The following UTS2B variants were observed in gnomAD, a reference collection of about 807,000 sequenced individuals.
The protein encoded by UTS2B is urotensin-2B.
In UTS2B, 21 loss-of-function variants were observed where a neutral mutation model predicts 19.2. That is an observed-to-expected ratio of 1.09 (90% confidence interval 0.78 to 1.58). The LOEUF (loss-of-function observed/expected upper bound fraction) is 1.58. Ranked by LOEUF, UTS2B falls within the 40% of genes most tolerant of loss-of-function variation. The probability of loss-of-function intolerance (pLI) is 0.00; values close to 1 mark genes in which losing one functional copy is unlikely to be tolerated. For missense variants in UTS2B, 138 were observed against 130.3 expected (o/e 1.06, Z -0.29); for synonymous variants, 57 against 50.2 (o/e 1.14, Z -0.58).
chr3:191,319,623 G>T (rs1212280900), intron 2 of UTS2B, among the ~76,000 whole-genome samples: 1 of 151,580 alleles, frequency 6.6e-6, no homozygotes, highest in Non-Finnish European at 1.5e-5. Flanking sequence ...ACTTTGGGAG[G>T]CTGAGACGGG....
At chr3:191,333,798 A>G (rs1006905408), upstream of UTS2B, among the ~76,000 whole-genome samples, 4 of 152,184 alleles carry the variant, frequency 2.6e-5, no homozygotes, top group African/African-American at 9.6e-5. Context: ...TTTAAAAGGC[A>G]GAGATAATAC....
chr3:191,344,261 G>A, the UTS2B span, among the ~76,000 whole-genome samples: 4 of 152,130 alleles, frequency 2.6e-5, no homozygotes, highest in Non-Finnish European at 4.4e-5. Flanking sequence ...CTGTCATACC[G>A]TCACGTTGTG....
chr3:191,327,215 G>A (rs1193035989), intron 2 of UTS2B, among the ~76,000 whole-genome samples: 1 of 152,228 alleles, frequency 6.6e-6, no homozygotes, highest in Non-Finnish European at 1.5e-5. Flanking sequence ...ACTAGGGGAG[G>A]CCGGGCGTGG....
intron 2 of UTS2B, among the ~76,000 whole-genome samples, chr3:191,320,970 A>G (rs1207483814): frequency 6.6e-6 from 1 of 152,330 alleles, no homozygotes; most frequent in South Asian, 2.1e-4. Flanking sequence ...CCTATAAGAG[A>G]TGATTAGGTC....
upstream of UTS2B, among the ~76,000 whole-genome samples, chr3:191,334,597 T>C (rs893114884): frequency 2.6e-5 from 4 of 152,128 alleles, no homozygotes; most frequent in Admixed American, 6.5e-5. Context: ...AATTGGCACA[T>C]TGGGGCCTAG....
At chr3:191,281,834 T>A (rs1716395485) in intron 5 of UTS2B, among the ~76,000 whole-genome samples, 1 of 151,592 alleles carries the variant, frequency 6.6e-6, no homozygotes, top group Admixed American at 6.6e-5. Flanking sequence ...TAAAAAAAAA[T>A]AAACTATAGT....
intron 3 of UTS2B, among the ~76,000 whole-genome samples, chr3:191,307,483 T>C (rs1218782699): frequency 6.6e-6 from 1 of 152,148 alleles, no homozygotes. Flanking sequence ...TACAACATCA[T>C]GTGTTTCTGT....
At chr3:191,317,347 C>T (rs1296452382) in intron 2 of UTS2B, among the ~76,000 whole-genome samples, 1 of 152,224 alleles carries the variant, frequency 6.6e-6, no homozygotes, top group Non-Finnish European at 1.5e-5. Context: ...AGCCCGCAAG[C>T]AGCACGCGCA....
chr3:191,268,350 G>C lies in UTS2B; in HGVS notation c.*66C>G, dbSNP rs1715998136. 8.0e-7 allele frequency: 1 copy of C among 1,244,948 alleles called. No homozygotes were observed. Among genetic ancestry groups the C allele is most frequent in the Non-Finnish European group, 1.1e-6 (1 of 880,474 alleles). 77.1% of individuals were successfully genotyped at this position (1,244,948 alleles called of 1,614,324 possible). ...AATAGTTTCAGGGGGTCTGCCTACA[G>C]CAGAGTGAGTAGATACATATATTTT... On this transcript the variant is annotated 3_prime_UTR_variant, in exon 9 of 9. Coordinates refer to ENST00000340524, the MANE Select transcript of UTS2B (RefSeq NM_198152.5).
intron 8 of UTS2B, among the ~76,000 whole-genome samples, chr3:191,270,769 T>C (rs962779269): frequency 2.0e-5 from 3 of 152,174 alleles, no homozygotes; most frequent in Non-Finnish European, 4.4e-5. Flanking sequence ...ACTGGATCTA[T>C]CATAGTGAAA....
Position 191,282,202 on chromosome 3 carries a change from C to T in UTS2B, c.-13G>A. 6.3e-7 allele frequency: 1 copy of T among 1,583,150 alleles called. No homozygotes were observed. Among genetic ancestry groups the T allele is most frequent in the Admixed American group, 1.7e-5 (1 of 57,382 alleles). ...GGATCTTGTTCATGTTAAAAAAAAC[C>T]TTCTGGACTAGCAAAGAAACAGACT... On this transcript the variant is annotated 5_prime_UTR_variant, in exon 5 of 9. Coordinates refer to ENST00000340524, the MANE Select transcript of UTS2B (RefSeq NM_198152.5).
chr3:191,275,263 G>A lies in UTS2B; in HGVS notation c.323C>T (p.Pro108Leu). 4 of 1,605,080 alleles carry A rather than the reference G, an allele frequency of 2.5e-6. No individual in the cohort carries two copies. Among genetic ancestry groups the A allele is most frequent in the Non-Finnish European group, 3.4e-6 (4 of 1,174,318 alleles). The change falls in exon 8 of 9, where the codon CCT (proline) becomes CTT (leucine). Residue 108 changes from proline to leucine, a missense_variant. Transcript: ENST00000340524. ...AAATGAAAGCTTACCTCGTTTGCTA[G>A]GATGAGAAGAGAATAGACCATCTAC... The part of the protein sequence containing the change: ...YAVDGLFSSH[P>L]SKRACFWKYC...
At chr3:191,329,411 AT>A (rs1717860191) in intron 1 of UTS2B, 1 of 396,066 alleles carries the variant, frequency 2.5e-6, no homozygotes, top group Non-Finnish European at 4.4e-6. Context: ...GGCTCCGGAT[AT>A]TTGGTATCGA....
intron 2 of UTS2B, among the ~76,000 whole-genome samples, chr3:191,327,003 A>G (rs1717759581): frequency 6.6e-6 from 1 of 152,130 alleles, no homozygotes; most frequent in Non-Finnish European, 1.5e-5. Flanking sequence ...ATATGTTTCC[A>G]TTTCTTCTCT....
Position 191,296,656 on chromosome 3 carries a change from A to G in UTS2B, c.-125+7836T>C, listed in dbSNP as rs114391019. On this transcript the variant is annotated intron_variant, in intron 4 of 8. Coordinates refer to ENST00000340524, the MANE Select transcript of UTS2B (RefSeq NM_198152.5). ...CACTTGTGGTTCTGTTTGTGCTTCCATGTCTCTCCTTATAAAATTATTTCA... is the reference window on the plus strand; with the variant it reads ...CACTTGTGGTTCTGTTTGTGCTTCCGTGTCTCTCCTTATAAAATTATTTCA... Among the ~76,000 whole-genome samples the G allele has an allele frequency of 4.5e-3, 682 of 152,322 alleles. 8 individuals are homozygous for G. Among genetic ancestry groups the G allele is most frequent in the African/African-American group, 0.016 (651 of 41,576 alleles).
chr3:191,327,827 A>T (rs1335014620), intron 2 of UTS2B, among the ~76,000 whole-genome samples: 1 of 152,008 alleles, frequency 6.6e-6, no homozygotes, highest in Non-Finnish European at 1.5e-5. Flanking sequence ...ACAGGAAGTT[A>T]AAAAAAATTA....
intron 1 of UTS2B, chr3:191,329,422 A>T (rs1366194940): frequency 4.6e-6 from 2 of 430,568 alleles, no homozygotes; most frequent in Non-Finnish European, 8.1e-6. Context: ...TTTGGTATCG[A>T]TTGGGGCCGG....
chr3:191,268,495 G>C, intron 8 of UTS2B, 54 bp from the exon 9 acceptor site: 1 of 1,344,956 alleles, frequency 7.4e-7, no homozygotes, highest in African/African-American at 1.5e-5. Context: ...GATAAAACTT[G>C]CTCTTGAATC....
chr3:191,272,885 C>T (rs1233696861), intron 8 of UTS2B, among the ~76,000 whole-genome samples: 1 of 145,328 alleles, frequency 6.9e-6, no homozygotes, highest in African/African-American at 2.5e-5. Context: ...AAAAAATGGG[C>T]AGGGCACAGT....
Sources: gnomAD v4.1 joint callset for allele counts (sites outside exome capture counted in the v4.1 genomes callset) on GRCh38, gnomAD v4.1.1 for gene constraint, MANE v1.5 for transcripts, NCBI Gene and HGNC (gene_info 2026-07-23, HGNC 2026-07-21) for gene names.